NUDT21: variants seen among roughly 807,000 people sequenced by gnomAD.
The protein encoded by NUDT21 is nudix hydrolase 21, also known as cleavage and polyadenylation specificity factor subunit 5.
NUDT21 carries 5 observed loss-of-function variants against 29.8 expected under a neutral mutation model. The ratio of observed to expected loss-of-function variants is 0.17; its 90% CI spans 0.09 to 0.35. The LOEUF (loss-of-function observed/expected upper bound fraction) is 0.35, where lower values mean the gene tolerates loss of function less well. Ranked by LOEUF, NUDT21 falls within the 10% of genes least tolerant of loss-of-function variation. The pLI, the probability that NUDT21 is intolerant of heterozygous loss-of-function variation, is 1.00. For missense variants in NUDT21, 76 were observed against 276.0 expected (o/e 0.28, Z 5.13); for synonymous variants, 113 against 98.5 (o/e 1.15, Z -0.87).
intron 4 of NUDT21, among the ~76,000 whole-genome samples, chr16:56,435,407 C>T (rs1962085536): frequency 6.6e-6 from 1 of 151,806 alleles, no homozygotes; most frequent in Non-Finnish European, 1.5e-5. Context: ...AGCCACCATG[C>T]CCAGCCTAAA....
chr16:56,444,980 T>C (rs1471274662), intron 3 of NUDT21, among the ~76,000 whole-genome samples: 1 of 152,176 alleles, frequency 6.6e-6, no homozygotes, highest in Non-Finnish European at 1.5e-5. Flanking sequence ...GGTTAGGAGT[T>C]CTAGACCAGC....
intron 3 of NUDT21, among the ~76,000 whole-genome samples, chr16:56,442,287 C>T (rs1490407805): frequency 1.3e-5 from 2 of 152,188 alleles, no homozygotes; most frequent in African/African-American, 4.8e-5. Context: ...TGAACACCCT[C>T]TAGTAGCTTC....
In NUDT21 at chr16:56,431,061, G is replaced by A. The variant is rs1234091282; in HGVS notation, c.*1651C>T. On this transcript the variant is annotated 3_prime_UTR_variant, in exon 7 of 7. Coordinates refer to ENST00000300291, the MANE Select transcript of NUDT21 (RefSeq NM_007006.3). ...CCACAAATTGCAAAAGTGAACATCTGAAATGTGGCCACTGTAGCTTTTCCC... is the reference window on the plus strand; with the variant it reads ...CCACAAATTGCAAAAGTGAACATCTAAAATGTGGCCACTGTAGCTTTTCCC... The A allele has an allele frequency of 1.3e-5, 2 of 152,218 alleles. No homozygotes were observed. The highest frequency in any genetic ancestry group is 2.9e-5 in the Non-Finnish European group (2 of 68,040). 9.4% of individuals were successfully genotyped at this position (152,218 alleles called of 1,614,324 possible).
rs1596960078 is a variant in NUDT21 at position 56,451,233 on chromosome 16, G to A, written c.-31C>T. ...CGAGCTCCGGCGCTGACGGCGAGCA[G>A]AAAGTGGCAGGCAGGGTAGACTTTC... On this transcript the variant is annotated 5_prime_UTR_variant, in exon 1 of 7. Coordinates refer to ENST00000300291, the MANE Select transcript of NUDT21 (RefSeq NM_007006.3). 1 of 1,523,448 alleles carries A rather than the reference G, an allele frequency of 6.6e-7. No individual in the cohort carries two copies. Among genetic ancestry groups the A allele is most frequent in the Non-Finnish European group, 9.0e-7 (1 of 1,114,578 alleles). 94.4% of individuals were successfully genotyped at this position (1,523,448 alleles called of 1,614,324 possible).
At chr16:56,442,583 T>C (rs941408614) in intron 3 of NUDT21, among the ~76,000 whole-genome samples, 1 of 152,230 alleles carries the variant, frequency 6.6e-6, no homozygotes, top group Admixed American at 6.5e-5. Flanking sequence ...TTTTCGTTTG[T>C]AGGATCTAAA....
intron 6 of NUDT21, among the ~76,000 whole-genome samples, chr16:56,433,606 C>T (rs1962061238): frequency 6.6e-6 from 1 of 152,180 alleles, no homozygotes; most frequent in Non-Finnish European, 1.5e-5. Context: ...GACCTAATCC[C>T]ACAAGCCTCA....
chr16:56,448,775 T>G (rs771744730), intron 1 of NUDT21, among the ~76,000 whole-genome samples: 7 of 152,220 alleles, frequency 4.6e-5, no homozygotes, highest in Non-Finnish European at 1.0e-4. Flanking sequence ...TTGTAAGCCC[T>G]TAATTAAAGC....
intron 4 of NUDT21, chr16:56,435,088 C>A: frequency 3.6e-6 from 1 of 275,924 alleles, no homozygotes; most frequent in Non-Finnish European, 6.7e-6. Flanking sequence ...ATAATGAAGT[C>A]CGATTTTAAT....
intron 1 of NUDT21, chr16:56,449,065 A>T (rs1206735192): frequency 3.9e-5 from 6 of 152,238 alleles, no homozygotes; most frequent in African/African-American, 1.4e-4. Flanking sequence ...TCCAATGCTA[A>T]ATCTAAAACC....
In NUDT21 at chr16:56,435,860, A is replaced by G. The variant is rs149261459; in HGVS notation, c.472-1031T>C. ...AAAATTCAAATATAAGCTGTGAGGCATTTGACAAGATGCTTCTTGCTCCTC... is the reference window on the plus strand; with the variant it reads ...AAAATTCAAATATAAGCTGTGAGGCGTTTGACAAGATGCTTCTTGCTCCTC... On this transcript the variant is annotated intron_variant, in intron 4 of 6. Coordinates refer to ENST00000300291, the MANE Select transcript of NUDT21 (RefSeq NM_007006.3). Among the ~76,000 whole-genome samples, 472 of 139,162 alleles carry G rather than the reference A, an allele frequency of 3.4e-3. 13 individuals are homozygous for G. In the South Asian group the frequency reaches 0.06, roughly 18 times the overall value. 91.3% of individuals were successfully genotyped at this position (139,162 alleles called of 152,430 possible). A position where few individuals can be genotyped will look rare whatever the true frequency, so the allele number is the denominator to read the frequency against.
chr16:56,447,724 C>A, intron 2 of NUDT21, 65 bp downstream of exon 2: 1 of 1,429,110 alleles, frequency 7.0e-7, no homozygotes, highest in Non-Finnish European at 9.9e-7. Context: ...AAATTGTATT[C>A]CAGAGCTGCA....
chr16:56,442,810 T>G (rs1254843767), intron 3 of NUDT21, among the ~76,000 whole-genome samples: 1 of 152,210 alleles, frequency 6.6e-6, no homozygotes, highest in Non-Finnish European at 1.5e-5. Flanking sequence ...CTTACCTACA[T>G]TCTATCTTTT....
chr16:56,448,800 C>G (rs1202212783), intron 1 of NUDT21, among the ~76,000 whole-genome samples: 3 of 152,134 alleles, frequency 2.0e-5, no homozygotes, highest in African/African-American at 7.2e-5. Context: ...CAGCAAGAAG[C>G]CTTTGAGTAC....
chr16:56,451,013 A>G, intron 1 of NUDT21, 74 bp downstream of exon 1: 1 of 1,315,998 alleles, frequency 7.6e-7, no homozygotes, highest in South Asian at 1.2e-5. Context: ...GCGCGCCGAA[A>G]AGCCGGGGGC....
rs574614905 is a variant in NUDT21 at position 56,436,281 on chromosome 16, T to C, written c.472-1452A>G. 2.8e-4 allele frequency among the ~76,000 whole-genome samples: 43 copies of C among 152,272 alleles called. No homozygotes were observed. The South Asian group carries it at 3.9e-3, about 14-fold the overall frequency. The stretch of plus-strand genomic sequence containing the variant: ...AAGCAGAAGCTGCCAAAAGGAGGTA[T>C]TAGCATCATCCTCAATTTACACAGA... On this transcript the variant is annotated intron_variant, in intron 4 of 6. Transcript: ENST00000300291.
chr16:56,444,356 G>A (rs1962192735), intron 3 of NUDT21, among the ~76,000 whole-genome samples: 1 of 152,108 alleles, frequency 6.6e-6, no homozygotes, highest in Non-Finnish European at 1.5e-5. Context: ...GGCCAAAGCA[G>A]GCAGATCACC....
rs1231217507 is a variant in NUDT21 at position 56,431,426 on chromosome 16, A to C, written c.*1286T>G. 1 of 152,202 alleles carries C rather than the reference A, an allele frequency of 6.6e-6. No homozygotes were observed. The highest frequency in any genetic ancestry group is 1.5e-5 in the Non-Finnish European group (1 of 68,044). The allele number at this position is 152,202 out of a possible 1,614,324, so 9.4% of individuals were successfully genotyped here. Reference sequence around the variant, plus strand: ...ACTAAAAAAACTTGAGTGTTTATTAATTGCTCAGCTACACTTGGCCTGATT... The same window carrying C: ...ACTAAAAAAACTTGAGTGTTTATTACTTGCTCAGCTACACTTGGCCTGATT... On this transcript the variant is annotated 3_prime_UTR_variant, in exon 7 of 7. Coordinates refer to ENST00000300291, the MANE Select transcript of NUDT21 (RefSeq NM_007006.3).
At chr16:56,441,216 C>T (rs965385360) in intron 3 of NUDT21, among the ~76,000 whole-genome samples, 9 of 151,884 alleles carry the variant, frequency 5.9e-5, no homozygotes, top group African/African-American at 1.9e-4. Flanking sequence ...TCTTTTATGA[C>T]AGTTTCTTGA....
intron 6 of NUDT21, 84 bp downstream of exon 6, chr16:56,434,247 G>A: frequency 1.2e-6 from 1 of 851,222 alleles, no homozygotes; most frequent in Non-Finnish European, 2.0e-6. Flanking sequence ...CAAAATTCAT[G>A]AACTATACCT....
Sources: allele counts gnomAD v4.1 joint callset (sites outside exome capture counted in the v4.1 genomes callset), GRCh38; gene constraint gnomAD v4.1.1; transcripts MANE v1.5; gene names NCBI Gene and HGNC (gene_info 2026-07-23, HGNC 2026-07-21).